The following PMM2 variants were observed in gnomAD, a reference collection of about 807,000 sequenced individuals.
PMM2 encodes phosphomannomutase 2, also known as mannose-6-phosphate isomerase.
A neutral mutation model predicts 33.2 loss-of-function variants in PMM2; 35 were observed. The observed-to-expected ratio is 1.06, with a 90% confidence interval of 0.81 to 1.40. The LOEUF (loss-of-function observed/expected upper bound fraction) is 1.40, where lower values mean the gene tolerates loss of function less well. Ranked by LOEUF, PMM2 falls within the 40% of genes most tolerant of loss-of-function variation. The pLI is 0.00. For synonymous variants in PMM2, 153 were observed against 114.7 expected (o/e 1.33, Z -2.13); for missense variants, 386 against 306.0 (o/e 1.26, Z -1.95).
chr16:8,844,522 G>A (rs1051964918), intron 7 of PMM2, among the ~76,000 whole-genome samples: 1 of 152,080 alleles, frequency 6.6e-6, no homozygotes, highest in Non-Finnish European at 1.5e-5. Flanking sequence ...CAGAGAAGGG[G>A]TAGAGACACG....
chr16:8,806,441 A>T, intron 4 of PMM2, 34 bp downstream of exon 4: 1 of 1,288,876 alleles, frequency 7.8e-7, no homozygotes, highest in Non-Finnish European at 1.1e-6. Context: ...GCGTCACAGG[A>T]ACATAGCGTA....
rs1567164726 is a variant in PMM2, at chr16:8,827,804, T to TAA, written c.639+14698_639+14699insAA. 1.9e-4 allele frequency among the ~76,000 whole-genome samples: 8 copies of TAA among 42,598 alleles called. No individual in the cohort carries two copies. In the South Asian group the frequency reaches 6.4e-3, roughly 34 times the overall value. The allele number at this position is 42,598 out of a possible 152,430, so 27.9% of individuals were successfully genotyped here. ...TATATTTATATATATTTATACATAT[T>TAA]TATATATTTATATAATATATATTAT... On this transcript the variant is annotated intron_variant, in intron 7 of 7. Coordinates refer to ENST00000268261, the MANE Select transcript of PMM2 (RefSeq NM_000303.3).
At position 8,811,710 on chromosome 16, in the gene PMM2, A is replaced by G. The variant is rs2060678963; in HGVS notation, c.520A>G (p.Ile174Val). Residue 174 changes from isoleucine to valine, a missense_variant, in exon 6 of 8, where the codon ATA (isoleucine) becomes GTA (valine). Transcript: ENST00000268261. ...TGCTGGAAAAGGCCTCACGTTTTCCATAGGTATTGTATATATTGCCTGTGT... is the reference window on the plus strand; with the variant it reads ...TGCTGGAAAAGGCCTCACGTTTTCCGTAGGTATTGTATATATTGCCTGTGT... ...EFAGKGLTFS[I>V]GGQISFDVFP... The G allele has an allele frequency of 6.2e-7, 1 of 1,605,256 alleles. No homozygotes were observed.
intron 7 of PMM2, among the ~76,000 whole-genome samples, chr16:8,847,387 A>AC (rs1555453198): frequency 1.3e-5 from 2 of 151,576 alleles, no homozygotes; most frequent in African/African-American, 4.9e-5. Flanking sequence ...TAAAAAAAAA[A>AC]AAAAAACTGA....
intron 2 of PMM2, among the ~76,000 whole-genome samples, chr16:8,803,685 AT>A (rs2060628386): frequency 6.6e-6 from 1 of 151,928 alleles, no homozygotes; most frequent in Non-Finnish European, 1.5e-5. Flanking sequence ...TTTAAAATTT[AT>A]TTTATTTATT....
intron 7 of PMM2, among the ~76,000 whole-genome samples, chr16:8,815,207 A>G (rs570270991): frequency 2.1e-5 from 3 of 146,102 alleles, no homozygotes; most frequent in Non-Finnish European, 4.5e-5. Flanking sequence ...TGAATACACT[A>G]TATTTTCTTT....
At chr16:8,832,164 C>A in intron 7 of PMM2, 1 of 985,416 alleles carries the variant, frequency 1.0e-6, no homozygotes, top group Non-Finnish European at 1.2e-6. Flanking sequence ...GAAGGCTGCA[C>A]CCCAGGAAGG....
chr16:8,837,144 G>A (rs1423622255), intron 7 of PMM2, among the ~76,000 whole-genome samples: 6 of 151,894 alleles, frequency 4.0e-5, no homozygotes, highest in Non-Finnish European at 7.4e-5. Context: ...GGGGACAGGT[G>A]GGAGGGAAAG....
intron 7 of PMM2, among the ~76,000 whole-genome samples, chr16:8,826,584 AATAATCT>A (rs1408613915): frequency 6.6e-6 from 1 of 152,152 alleles, no homozygotes; most frequent in African/African-American, 2.4e-5. Flanking sequence ...TTATTTCATC[AATAATCT>A]TTAAAACTAT....
chr16:8,827,891 T>TATATTATATATATGTTATATA (rs2060784839), intron 7 of PMM2, among the ~76,000 whole-genome samples: 4 of 54,092 alleles, frequency 7.4e-5, no homozygotes, highest in African/African-American at 2.6e-4. Flanking sequence ...TAATATATGA[T>TATATTATATATATGTTATATA]ATATATGATA....
chr16:8,838,428 A>C (rs1195088560), intron 7 of PMM2, among the ~76,000 whole-genome samples: 3 of 151,990 alleles, frequency 2.0e-5, no homozygotes, highest in Non-Finnish European at 2.9e-5. Context: ...TAATAAGAAA[A>C]ATAAAATAGT....
Position 8,806,361 on chromosome 16 carries a change from A to G in PMM2, c.301A>G (p.Asn101Asp), listed in dbSNP as rs1165499641. The change falls in exon 4 of 8, where the codon AAC becomes GAC. Residue 101 changes from asparagine to aspartate, a missense_variant. Coordinates refer to ENST00000268261, the MANE Select transcript of PMM2 (RefSeq NM_000303.3). Reference protein sequence around the residue: ...LGEALIQDLINYCLSYIAKIK... With the variant: ...LGEALIQDLIDYCLSYIAKIK... ...TGAGGCCCTAATCCAAGATTTAATC[A>G]ACTACTGTCTGAGCTACATTGCGAA... 6.2e-7 allele frequency: 1 copy of G among 1,613,398 alleles called. No individual in the cohort carries two copies. The highest frequency in any genetic ancestry group is 8.5e-7 in the Non-Finnish European group (1 of 1,179,394).
chr16:8,832,316 A>T lies in PMM2; in HGVS notation c.640-15408A>T, dbSNP rs2060815193. 3 of 985,344 alleles carry T rather than the reference A, an allele frequency of 3.0e-6. No individual in the cohort carries two copies. The South Asian group carries it at 1.4e-4, about 46-fold the overall frequency. 61.0% of individuals were successfully genotyped at this position (985,344 alleles called of 1,614,324 possible). ...CTGAAAGCGGGTGGAGCTGAGAAGC[A>T]ACCCAGAGAGGCTCCTGCAGCCAGG... On this transcript the variant is annotated intron_variant, in intron 7 of 7. Transcript: ENST00000268261.
At chr16:8,798,843 G>A (rs2060594703) in intron 1 of PMM2, among the ~76,000 whole-genome samples, 1 of 152,132 alleles carries the variant, frequency 6.6e-6, no homozygotes, top group Non-Finnish European at 1.5e-5. Context: ...ACCCCTCATA[G>A]TTTTCGCTTG....
intron 7 of PMM2, 77 bp downstream of exon 7, chr16:8,813,183 T>C (rs1416938142): frequency 2.1e-6 from 2 of 934,130 alleles, no homozygotes; most frequent in Non-Finnish European, 3.6e-6. Context: ...GGGCTGTTTT[T>C]CCTGTACCTA....
chr16:8,800,899 A>T (rs12446031), intron 1 of PMM2, among the ~76,000 whole-genome samples: 1 of 152,064 alleles, frequency 6.6e-6, no homozygotes, highest in African/African-American at 2.4e-5. Context: ...GGCCAGGCTG[A>T]TCTCGAACTC....
At chr16:8,835,468 C>T (rs60054194) in intron 7 of PMM2, among the ~76,000 whole-genome samples, 42 of 151,742 alleles carry the variant, frequency 2.8e-4, no homozygotes, top group African/African-American at 8.2e-4. Flanking sequence ...AGCAAAGAGA[C>T]GCTGGGATGA....
chr16:8,806,182 G>A (rs1308739368), intron 3 of PMM2, 134 bp from the exon 4 acceptor site: 10 of 712,162 alleles, frequency 1.4e-5, no homozygotes, highest in Non-Finnish European at 2.3e-5. Context: ...AACAGACAGT[G>A]GGGCATGTCA....
intron 7 of PMM2, among the ~76,000 whole-genome samples, chr16:8,821,211 G>A (rs77416365): frequency 0.011 from 1,709 of 152,216 alleles, 31 homozygotes; most frequent in African/African-American, 0.039. Flanking sequence ...GTGAATTGCC[G>A]CTCCCACAGT....
Sources: gnomAD v4.1 joint callset for allele counts (sites outside exome capture counted in the v4.1 genomes callset) on GRCh38, gnomAD v4.1.1 for gene constraint, MANE v1.5 for transcripts, NCBI Gene and HGNC (gene_info 2026-07-23, HGNC 2026-07-21) for gene names.